GPC5: variants seen among roughly 807,000 people sequenced by gnomAD.
The protein encoded by GPC5 is glypican-5.
A neutral mutation model predicts 53.9 loss-of-function variants in GPC5; 47 were observed. The observed-to-expected ratio is 0.87, with a 90% CI of 0.69 to 1.11. GPC5 has a LOEUF of 1.11. GPC5 is among the 50% of genes most tolerant of loss of function. GPC5 has a pLI of 0.00. For synonymous variants in GPC5, 286 were observed against 263.3 expected (o/e 1.09, Z -0.84); for missense variants, 748 against 713.1 (o/e 1.05, Z -0.56).
At chr13:92,824,980 CTT>C (rs936299594) in intron 7 of GPC5, among the ~76,000 whole-genome samples, 3 of 152,094 alleles carry the variant, frequency 2.0e-5, no homozygotes, top group East Asian at 1.9e-4. Context: ...TGAAATAAAA[CTT>C]TTAAAAATTT....
At chr13:92,673,020 A>C (rs1450360133) in intron 7 of GPC5, among the ~76,000 whole-genome samples, 1 of 152,160 alleles carries the variant, frequency 6.6e-6, no homozygotes, top group Non-Finnish European at 1.5e-5. Flanking sequence ...CTGCACTTGT[A>C]CCCCCGAACC....
At chr13:91,777,424 G>A (rs1372322396) in intron 5 of GPC5, among the ~76,000 whole-genome samples, 2 of 152,108 alleles carry the variant, frequency 1.3e-5, no homozygotes, top group Admixed American at 1.3e-4. Flanking sequence ...CTTCTTATAT[G>A]GGTTGGTTAG....
intron 6 of GPC5, among the ~76,000 whole-genome samples, chr13:91,959,133 A>G (rs1030925227): frequency 2.0e-5 from 3 of 150,186 alleles, no homozygotes; most frequent in Non-Finnish European, 4.5e-5. Context: ...TGTTTTTTTG[A>G]AAAAATAAAC....
intron 2 of GPC5, among the ~76,000 whole-genome samples, chr13:91,598,547 A>G (rs2033074303): frequency 6.6e-6 from 1 of 152,076 alleles, no homozygotes; most frequent in Non-Finnish European, 1.5e-5. Context: ...GCATTCTTGT[A>G]GGCCCAAAGT....
In GPC5 at chr13:91,650,750, G is replaced by GTTTTTGTTTTTTTTTTTT. The variant is rs1491353283; in HGVS notation, c.326-42432_326-42431insGTTTTTTTTTTTTTTTTT. Among the ~76,000 whole-genome samples, 187 of 99,598 alleles carry GTTTTTGTTTTTTTTTTTT rather than the reference G, an allele frequency of 1.9e-3. 11 individuals carry two copies. The highest frequency in any genetic ancestry group is 7.4e-3 in the African/African-American group (183 of 24,666). 65.3% of individuals were successfully genotyped at this position (99,598 alleles called of 152,430 possible). ...CATCTGTGAAACAAAATTCCCATAA[G>GTTTTTGTTTTTTTTTTTT]TTTTTTTTTTTTTTTTTTTTTTAGC... is the stretch of plus-strand genomic sequence containing the variant. On this transcript the variant is annotated intron_variant, in intron 2 of 7. Coordinates refer to ENST00000377067, the MANE Select transcript of GPC5 (RefSeq NM_004466.6).
At chr13:92,767,511 AAATT>A in intron 7 of GPC5, among the ~76,000 whole-genome samples, 1 of 152,270 alleles carries the variant, frequency 6.6e-6, no homozygotes, top group South Asian at 2.1e-4. Flanking sequence ...GATTGGGGTA[AAATT>A]ACTTTCTTTC....
At chr13:92,074,394 C>T (rs543120278) in intron 6 of GPC5, among the ~76,000 whole-genome samples, 2 of 152,176 alleles carry the variant, frequency 1.3e-5, no homozygotes, top group East Asian at 1.9e-4. Flanking sequence ...TTGAGACAGA[C>T]GTGAATTGAT....
At chr13:92,177,214 A>G (rs2042114964) in intron 7 of GPC5, among the ~76,000 whole-genome samples, 1 of 152,298 alleles carries the variant, frequency 6.6e-6, no homozygotes, top group East Asian at 1.9e-4. Flanking sequence ...GTATCAGAAC[A>G]TGTTGTTTTC....
chr13:91,878,797 C>T (rs1375917346), intron 5 of GPC5, among the ~76,000 whole-genome samples: 1 of 152,126 alleles, frequency 6.6e-6, no homozygotes, highest in African/African-American at 2.4e-5. Context: ...GTCAGTTAAG[C>T]CTCTTTCCTT....
At chr13:92,710,637 G>C (rs573820888) in intron 7 of GPC5, among the ~76,000 whole-genome samples, 1 of 152,264 alleles carries the variant, frequency 6.6e-6, no homozygotes, top group East Asian at 1.9e-4. Flanking sequence ...GCCACTTGGG[G>C]ACCTCGCTTA....
At chr13:91,404,369 A>G (rs765678083) in intron 1 of GPC5, among the ~76,000 whole-genome samples, 9 of 152,230 alleles carry the variant, frequency 5.9e-5, no homozygotes, top group Non-Finnish European at 1.2e-4. Flanking sequence ...AGAGACTTGA[A>G]ACATATGTCT....
At chr13:92,575,684 C>T (rs1334689818) in intron 7 of GPC5, among the ~76,000 whole-genome samples, 1 of 152,128 alleles carries the variant, frequency 6.6e-6, no homozygotes, top group East Asian at 1.9e-4. Context: ...AAACCCTGGG[C>T]CCATATTCCT....
At chr13:91,404,793 AC>A (rs1481689449) in intron 1 of GPC5, among the ~76,000 whole-genome samples, 1 of 152,278 alleles carries the variant, frequency 6.6e-6, no homozygotes, top group Non-Finnish European at 1.5e-5. Flanking sequence ...ACTGAAAAGT[AC>A]AAATAAAGTA....
chr13:92,433,439 T>G (rs1228557318), intron 7 of GPC5, among the ~76,000 whole-genome samples: 1 of 152,178 alleles, frequency 6.6e-6, no homozygotes. Flanking sequence ...GGGAATATTA[T>G]AGTGCATCAG....
chr13:92,171,199 G>C (rs575284255), intron 7 of GPC5, among the ~76,000 whole-genome samples: 2 of 152,116 alleles, frequency 1.3e-5, no homozygotes, highest in African/African-American at 4.8e-5. Context: ...CTCCTGTCAA[G>C]GACCACTTTT....
intron 7 of GPC5, among the ~76,000 whole-genome samples, chr13:92,252,336 T>A (rs2042698117): frequency 6.6e-6 from 1 of 152,144 alleles, no homozygotes; most frequent in East Asian, 1.9e-4. Flanking sequence ...ACTCATTTAC[T>A]AACAGAAAGT....
intron 6 of GPC5, chr13:92,060,052 G>A (rs2041109897): frequency 6.6e-6 from 1 of 151,666 alleles, no homozygotes; most frequent in South Asian, 2.1e-4. Context: ...TCATATTTAT[G>A]TTGGATTTCA....
chr13:92,250,351 T>C (rs2042683782), intron 7 of GPC5, among the ~76,000 whole-genome samples: 1 of 152,138 alleles, frequency 6.6e-6, no homozygotes, highest in Non-Finnish European at 1.5e-5. Flanking sequence ...TAAATAAAGA[T>C]TGGTTTGAAT....
At chr13:92,050,256 A>G (rs919278088) in intron 6 of GPC5, among the ~76,000 whole-genome samples, 2 of 152,176 alleles carry the variant, frequency 1.3e-5, no homozygotes, top group Non-Finnish European at 2.9e-5. Context: ...GAATTGTAAC[A>G]ACATATGTAA....
Sources: allele counts gnomAD v4.1 joint callset (sites outside exome capture counted in the v4.1 genomes callset), GRCh38; gene constraint gnomAD v4.1.1; transcripts MANE v1.5; gene names NCBI Gene and HGNC (gene_info 2026-07-23, HGNC 2026-07-21).